Variants in MNAT1 observed in about 807,000 individuals in gnomAD.
MNAT1 encodes the protein CDK-activating kinase assembly factor MAT1.
MNAT1 carries 43 observed loss-of-function variants against 42.0 expected under a neutral mutation model. The ratio of observed to expected loss-of-function variants is 1.02; its 90% confidence interval spans 0.80 to 1.32. The LOEUF (loss-of-function observed/expected upper bound fraction) is 1.32, where lower values mean the gene tolerates loss of function less well. Ranked by LOEUF, MNAT1 falls within the 40% of genes most tolerant of loss-of-function variation. The pLI is 0.00. For synonymous variants in MNAT1, 118 were observed against 120.0 expected (o/e 0.98, Z 0.11); for missense variants, 306 against 350.4 (o/e 0.87, Z 1.01).
chr14:60,932,816 T>G (rs887788283), intron 7 of MNAT1, among the ~76,000 whole-genome samples: 1 of 152,036 alleles, frequency 6.6e-6, no homozygotes, highest in African/African-American at 2.4e-5. Flanking sequence ...AATATCAGTG[T>G]TTTTGCATCA....
chr14:60,792,175 G>C (rs962999377), intron 1 of MNAT1, among the ~76,000 whole-genome samples: 2 of 151,964 alleles, frequency 1.3e-5, no homozygotes, highest in Admixed American at 6.6e-5. Context: ...ATCCTTAAAC[G>C]CATTTCATTA....
intron 7 of MNAT1, among the ~76,000 whole-genome samples, chr14:60,959,836 A>G (rs976602407): frequency 6.6e-6 from 1 of 151,210 alleles, no homozygotes; most frequent in Non-Finnish European, 1.5e-5. Context: ...TCATATTTAC[A>G]TATTCCATGT....
intron 3 of MNAT1, among the ~76,000 whole-genome samples, chr14:60,802,521 G>C (rs2032238985): frequency 6.6e-6 from 1 of 152,088 alleles, no homozygotes; most frequent in Admixed American, 6.6e-5. Flanking sequence ...ATTTTATCTT[G>C]TGGCTAAGAG....
intron 6 of MNAT1, among the ~76,000 whole-genome samples, chr14:60,856,094 A>G (rs913589475): frequency 6.6e-6 from 1 of 152,200 alleles, no homozygotes; most frequent in South Asian, 2.1e-4. Context: ...TAAGCTTCCT[A>G]AGGAAGGCTT....
intron 6 of MNAT1, among the ~76,000 whole-genome samples, chr14:60,861,225 G>T (rs1331327905): frequency 6.6e-6 from 1 of 151,984 alleles, no homozygotes; most frequent in Non-Finnish European, 1.5e-5. Context: ...TTTTCCAAAA[G>T]ATTGTATATT....
In MNAT1 at chr14:60,740,257, C is replaced by T. The variant is rs979917653; in HGVS notation, c.89+5306C>T. ...TTCATCACGCACGAGACGCAAAGTA[C>T]AAGATAAGCAAAATCAAGTACCTAC... On this transcript the variant is annotated intron_variant, in intron 1 of 7. Transcript: ENST00000261245. This position sits in a 1 kb window ranked among gnomAD's most constrained non-coding sequence, Gnocchi z 4.1. 1.3e-5 allele frequency among the ~76,000 whole-genome samples: 2 copies of T among 152,170 alleles called. No individual in the cohort carries two copies. The highest frequency in any genetic ancestry group is 4.8e-5 in the African/African-American group (2 of 41,456).
chr14:60,788,642 A>T (rs923154710), intron 1 of MNAT1, among the ~76,000 whole-genome samples: 5 of 152,200 alleles, frequency 3.3e-5, no homozygotes, highest in African/African-American at 1.2e-4. Context: ...TATTATGGAT[A>T]ACTTGCTGAA....
chr14:60,747,110 T>C (rs547700242), intron 1 of MNAT1, among the ~76,000 whole-genome samples: 66 of 150,080 alleles, frequency 4.4e-4, no homozygotes, highest in Non-Finnish European at 6.2e-4. Flanking sequence ...CTCAGCCTCC[T>C]GAGTAGCTGG....
intron 7 of MNAT1, among the ~76,000 whole-genome samples, chr14:60,963,140 C>T (rs555058299): frequency 6.6e-6 from 1 of 152,176 alleles, no homozygotes; most frequent in South Asian, 2.1e-4. Flanking sequence ...TGCCACCACG[C>T]CCGGCTAATT....
At chr14:60,869,781 A>T (rs2034289679) in intron 6 of MNAT1, among the ~76,000 whole-genome samples, 2 of 152,054 alleles carry the variant, frequency 1.3e-5, no homozygotes, top group South Asian at 4.1e-4. Flanking sequence ...ATACTAATTG[A>T]TTATTTTTAT....
intron 1 of MNAT1, among the ~76,000 whole-genome samples, chr14:60,784,764 C>T (rs534795544): frequency 3.3e-5 from 5 of 151,850 alleles, no homozygotes; most frequent in Admixed American, 2.6e-4. Context: ...TGCCAGGCAA[C>T]GAAAATACTC....
At chr14:60,916,746 G>T (rs2035523835) in intron 7 of MNAT1, among the ~76,000 whole-genome samples, 1 of 152,196 alleles carries the variant, frequency 6.6e-6, no homozygotes, top group Non-Finnish European at 1.5e-5. Flanking sequence ...GAACTCAGGA[G>T]TTCCAGATCA....
chr14:60,887,158 C>A (rs553120270), intron 7 of MNAT1, among the ~76,000 whole-genome samples: 1 of 151,918 alleles, frequency 6.6e-6, no homozygotes, highest in Admixed American at 6.6e-5. Flanking sequence ...AGTTGTATAA[C>A]ATTGATTTGC....
chr14:60,968,359 A>C lies in MNAT1; in HGVS notation c.*10A>C. 6.2e-7 allele frequency: 1 copy of C among 1,605,016 alleles called. No individual in the cohort carries two copies. Among genetic ancestry groups the C allele is most frequent in the Non-Finnish European group, 8.5e-7 (1 of 1,177,396 alleles). ...CTGGCAGCCCAGTTAACCATTTATA[A>C]GATTTGGACCTTGGAGCTGAACCAG... On this transcript the variant is annotated 3_prime_UTR_variant, in exon 8 of 8. Coordinates refer to ENST00000261245, the MANE Select transcript of MNAT1 (RefSeq NM_002431.4).
chr14:60,916,544 A>G (rs890225749), intron 7 of MNAT1, among the ~76,000 whole-genome samples: 1 of 152,178 alleles, frequency 6.6e-6, no homozygotes, highest in Non-Finnish European at 1.5e-5. Context: ...GTTCCCAGCT[A>G]CCCAGGAGGC....
chr14:60,758,487 G>C (rs2030458736), intron 1 of MNAT1, among the ~76,000 whole-genome samples: 1 of 152,040 alleles, frequency 6.6e-6, no homozygotes, highest in South Asian at 2.1e-4. Context: ...ACAGGTGTGA[G>C]CCACGTTGCC....
chr14:60,762,968 A>C (rs2030671554), intron 1 of MNAT1, among the ~76,000 whole-genome samples: 1 of 152,148 alleles, frequency 6.6e-6, no homozygotes, highest in Non-Finnish European at 1.5e-5. Context: ...ATTATCATGT[A>C]TGGACTTTAA....
chr14:60,862,809 A>G (rs933538144), intron 6 of MNAT1, among the ~76,000 whole-genome samples: 1 of 152,176 alleles, frequency 6.6e-6, no homozygotes, highest in Non-Finnish European at 1.5e-5. Flanking sequence ...AGTTTTAAGG[A>G]TCTTCAGGAT....
At chr14:60,748,855 C>T (rs1227121083) in intron 1 of MNAT1, among the ~76,000 whole-genome samples, 1 of 152,020 alleles carries the variant, frequency 6.6e-6, no homozygotes, top group Non-Finnish European at 1.5e-5. Context: ...ATGCATAAAC[C>T]AGTATCGTAG....
Sources: allele counts gnomAD v4.1 joint callset (sites outside exome capture counted in the v4.1 genomes callset), GRCh38; gene constraint gnomAD v4.1.1; non-coding constraint Gnocchi (gnomAD v3.1); transcripts MANE v1.5; gene names NCBI Gene and HGNC (gene_info 2026-07-23, HGNC 2026-07-21).